PCDH15: variants seen among roughly 807,000 people sequenced by gnomAD.
PCDH15 encodes the protein protocadherin related 15.
A neutral mutation model predicts 178.5 loss-of-function variants in PCDH15; 129 were observed. The ratio of observed to expected loss-of-function variants is 0.72; its 90% CI spans 0.63 to 0.84. PCDH15 has a LOEUF of 0.84. Ranked by LOEUF, PCDH15 falls within the 40% of genes least tolerant of loss-of-function variation. The pLI is 0.00. For synonymous variants in PCDH15, 800 were observed against 732.0 expected, an observed-to-expected ratio of 1.09 and a Z score of -1.50; for missense variants, 2,230 against 2,099.9, an observed-to-expected ratio of 1.06 and a Z score of -1.21.
intron 2 of PCDH15, among the ~76,000 whole-genome samples, chr10:54,593,237 A>C (rs895801372): frequency 1.3e-5 from 2 of 152,162 alleles, no homozygotes; most frequent in African/African-American, 4.8e-5. Flanking sequence ...TATCCAAAAA[A>C]ATCATTGCCA....
chr10:55,132,360 T>C (rs1483727437), intron 2 of PCDH15, among the ~76,000 whole-genome samples: 1 of 152,196 alleles, frequency 6.6e-6, no homozygotes, highest in African/African-American at 2.4e-5. Flanking sequence ...ACAAGAAAAG[T>C]ATTCATCAGA....
intron 2 of PCDH15, among the ~76,000 whole-genome samples, chr10:55,054,988 T>A (rs778838152): frequency 6.6e-6 from 1 of 152,206 alleles, no homozygotes; most frequent in African/African-American, 2.4e-5. Context: ...TGTTGAGAGA[T>A]TCTTTTGCTT....
At chr10:54,583,106 T>TA (rs1386738983) in intron 2 of PCDH15, among the ~76,000 whole-genome samples, 4 of 152,076 alleles carry the variant, frequency 2.6e-5, no homozygotes, top group Non-Finnish European at 4.4e-5. Flanking sequence ...TTTGCGTTAT[T>TA]ACTTGCCATA....
chr10:53,947,393 T>G (rs1034599884), intron 23 of PCDH15, among the ~76,000 whole-genome samples: 4 of 152,174 alleles, frequency 2.6e-5, no homozygotes, highest in Non-Finnish European at 5.9e-5. Flanking sequence ...CTATAAAATT[T>G]CACTAGGATT....
rs73253046 is a variant in PCDH15, at chr10:54,656,973, A to C, written c.91+7199T>G. Among the ~76,000 whole-genome samples the C allele has an allele frequency of 8.0e-3, 1,224 of 152,244 alleles. 13 individuals carry two copies. The highest frequency in any genetic ancestry group is 0.028 in the African/African-American group (1,179 of 41,556). On this transcript the variant is annotated intron_variant, in intron 2 of 37. Transcript: ENST00000644397. Reference sequence around the variant, plus strand: ...TGGTTTTCACAACAGCTACACCTCCATTCAAAGTAAGCCCCTGCCACAGAG... The same window carrying C: ...TGGTTTTCACAACAGCTACACCTCCCTTCAAAGTAAGCCCCTGCCACAGAG...
intron 26 of PCDH15, among the ~76,000 whole-genome samples, chr10:53,900,774 T>A (rs148770839): frequency 2.0e-5 from 3 of 152,312 alleles, no homozygotes; most frequent in African/African-American, 7.2e-5. Flanking sequence ...AGCATCCTTC[T>A]GTCTCCTTTG....
intron 20 of PCDH15, among the ~76,000 whole-genome samples, chr10:54,003,431 C>T (rs566400974): frequency 6.6e-6 from 1 of 151,760 alleles, no homozygotes; most frequent in Admixed American, 6.6e-5. Flanking sequence ...GAAAACATTA[C>T]AACTAATACT....
chr10:55,042,601 T>A (rs1343846085), intron 2 of PCDH15, among the ~76,000 whole-genome samples: 1 of 152,128 alleles, frequency 6.6e-6, no homozygotes, highest in Admixed American at 6.6e-5. Flanking sequence ...CATAAAATAA[T>A]TCAAAATACA....
intron 1 of PCDH15, among the ~76,000 whole-genome samples, chr10:55,316,580 T>C (rs1843727623): frequency 6.6e-6 from 1 of 152,160 alleles, no homozygotes; most frequent in African/African-American, 2.4e-5. Context: ...AGCCCATTTG[T>C]AGCTTCAGCT....
chr10:54,158,911 T>C (rs1160207652), intron 13 of PCDH15, among the ~76,000 whole-genome samples: 6 of 151,966 alleles, frequency 3.9e-5, no homozygotes, highest in Non-Finnish European at 8.8e-5. Context: ...TTTGAAATCA[T>C]CCTGGCTAAC....
chr10:53,954,174 T>C (rs2087377911), intron 23 of PCDH15, among the ~76,000 whole-genome samples: 1 of 152,196 alleles, frequency 6.6e-6, no homozygotes, highest in Non-Finnish European at 1.5e-5. Flanking sequence ...TTTATTATGT[T>C]GTTACTTTTA....
chr10:53,840,339 C>T lies in PCDH15; in HGVS notation c.3964G>A (p.Asp1322Asn), dbSNP rs1411262816. 3.7e-6 allele frequency: 6 copies of T among 1,614,042 alleles called. No homozygotes were observed. The South Asian group carries it at 6.6e-5, about 18-fold the overall frequency. Reference protein sequence around the residue: ...AIDPQTNRAIDRNELFKFLDG... With the variant: ...AIDPQTNRAINRNELFKFLDG... Reference sequence around the variant, plus strand: ...ACTTACTTAAAAAGCTCATTTCTATCGATGGCTCTGTTGGTTTGGGGGTCA... The same window carrying T: ...ACTTACTTAAAAAGCTCATTTCTATTGATGGCTCTGTTGGTTTGGGGGTCA... The change falls in exon 29 of 38, where the codon GAT becomes AAT. Residue 1322 changes from aspartate (D) to asparagine (N), a missense_variant. Transcript: ENST00000644397.
intron 13 of PCDH15, among the ~76,000 whole-genome samples, chr10:54,171,765 G>T (rs1417377383): frequency 2.0e-5 from 3 of 151,854 alleles, no homozygotes; most frequent in African/African-American, 4.8e-5. Context: ...TTCTCCTTCT[G>T]TTATTCCATT....
chr10:53,823,440 A>C (rs750066528), intron 32 of PCDH15: 11 of 1,282,622 alleles, frequency 8.6e-6, no homozygotes, highest in Middle Eastern at 4.2e-4. Flanking sequence ...TATGGCTCTC[A>C]TTACTATTAA....
chr10:54,815,368 A>G (rs571742355), intron 3 of PCDH15, among the ~76,000 whole-genome samples: 1 of 152,248 alleles, frequency 6.6e-6, no homozygotes, highest in East Asian at 1.9e-4. Context: ...ATTCACAGTT[A>G]AGAGAAATGT....
chr10:55,173,341 G>GTGTGTGTGTGTGTGTA (rs986476786), intron 1 of PCDH15, among the ~76,000 whole-genome samples: 2 of 145,922 alleles, frequency 1.4e-5, no homozygotes, highest in Non-Finnish European at 3.0e-5. Context: ...GTGTGTGTGT[G>GTGTGTGTGTGTGTGTA]TGTGTATGTG....
At chr10:54,570,950 G>A (rs1463235151) in intron 2 of PCDH15, among the ~76,000 whole-genome samples, 2 of 151,806 alleles carry the variant, frequency 1.3e-5, no homozygotes, top group Non-Finnish European at 2.9e-5. Flanking sequence ...ACAGGTGTGA[G>A]CCACTGTGCC....
At chr10:55,466,157 T>A (rs1839827306) in intron 2 of PCDH15, among the ~76,000 whole-genome samples, 2 of 152,102 alleles carry the variant, frequency 1.3e-5, no homozygotes, top group African/African-American at 4.8e-5. Context: ...ATTTCCTAAT[T>A]CGGTGAACTA....
At chr10:54,307,138 A>G (rs1473364148) in intron 8 of PCDH15, among the ~76,000 whole-genome samples, 2 of 88,984 alleles carry the variant, frequency 2.2e-5, no homozygotes, top group African/African-American at 8.5e-5. Context: ...ATATATATAT[A>G]TATATATATA....
Sources: allele counts gnomAD v4.1 joint callset (sites outside exome capture counted in the v4.1 genomes callset), GRCh38; gene constraint gnomAD v4.1.1; transcripts MANE v1.5; gene names NCBI Gene and HGNC (gene_info 2026-07-23, HGNC 2026-07-21).